PRR11: variants seen among roughly 807,000 people sequenced by gnomAD.
The protein encoded by PRR11 is proline-rich protein 11.
PRR11 carries 30 observed loss-of-function variants against 45.6 expected under a neutral mutation model. That is an observed-to-expected ratio of 0.66 (90% confidence interval 0.49 to 0.89). The LOEUF (loss-of-function observed/expected upper bound fraction) is 0.89, where lower values mean the gene tolerates loss of function less well. Among genes scored for constraint, PRR11 ranks in the 40% least tolerant of loss-of-function variants. PRR11 has a pLI of 0.00. For missense variants in PRR11, 373 were observed against 424.8 expected (o/e 0.88, Z 1.07); for synonymous variants, 128 against 153.5 (o/e 0.83, Z 1.23).
intron 2 of PRR11, among the ~76,000 whole-genome samples, 170 bp downstream of exon 2, chr17:59,170,050 C>T (rs2046699784): frequency 6.6e-6 from 1 of 152,054 alleles, no homozygotes; most frequent in Admixed American, 6.6e-5. Flanking sequence ...GTCAGGAGTT[C>T]AAGACCAGCC....
At chr17:59,160,056 A>G (rs2046643887) in intron 1 of PRR11, among the ~76,000 whole-genome samples, 1 of 152,166 alleles carries the variant, frequency 6.6e-6, no homozygotes, top group African/African-American at 2.4e-5. Context: ...TGTATTTTAA[A>G]AAATCTGATA....
intron 1 of PRR11, among the ~76,000 whole-genome samples, chr17:59,162,409 T>C (rs1458374933): frequency 6.6e-6 from 1 of 152,044 alleles, no homozygotes; most frequent in Admixed American, 6.6e-5. Flanking sequence ...TAGAAAGAAA[T>C]GGCCCTGTTT....
intron 2 of PRR11, among the ~76,000 whole-genome samples, chr17:59,172,382 C>G (rs2046713721): frequency 6.6e-6 from 1 of 152,256 alleles, no homozygotes; most frequent in Non-Finnish European, 1.5e-5. Flanking sequence ...GCAGCCCTCG[C>G]TCGCTTTCCG....
At chr17:59,169,623 A>T in intron 1 of PRR11, 125 bp from the exon 2 acceptor site, 1 of 891,744 alleles carries the variant, frequency 1.1e-6, no homozygotes, top group Non-Finnish European at 1.6e-6. Context: ...CCTATTTCTT[A>T]ACCAAGATGG....
intron 1 of PRR11, among the ~76,000 whole-genome samples, chr17:59,165,656 G>A (rs556939700): frequency 6.6e-5 from 10 of 152,168 alleles, no homozygotes; most frequent in Admixed American, 5.2e-4. Context: ...GCCGGGCGTG[G>A]TGGTGCATGC....
At chr17:59,173,092 CTG>C (rs1477076482) in intron 2 of PRR11, among the ~76,000 whole-genome samples, 2 of 152,246 alleles carry the variant, frequency 1.3e-5, no homozygotes, top group Non-Finnish European at 2.9e-5. Flanking sequence ...AATCAACACT[CTG>C]TGTCTAGCTC....
At chr17:59,172,559 C>T (rs746103545) in intron 2 of PRR11, among the ~76,000 whole-genome samples, 3 of 152,214 alleles carry the variant, frequency 2.0e-5, no homozygotes, top group Non-Finnish European at 4.4e-5. Flanking sequence ...CTGCGCGCTG[C>T]GCTTGCATGC....
chr17:59,165,836 A>G (rs538452430), intron 1 of PRR11, among the ~76,000 whole-genome samples: 5 of 150,948 alleles, frequency 3.3e-5, no homozygotes, highest in African/African-American at 1.2e-4. Flanking sequence ...TCCTTTAGAC[A>G]TCCCTTGTGT....
At chr17:59,184,232 GAA>G (rs2046802683) in intron 2 of PRR11, among the ~76,000 whole-genome samples, 1 of 152,152 alleles carries the variant, frequency 6.6e-6, no homozygotes, top group African/African-American at 2.4e-5. Context: ...GAGGCCAAAG[GAA>G]GTGGATCACT....
intron 1 of PRR11, among the ~76,000 whole-genome samples, chr17:59,165,635 A>G (rs1169067304): frequency 1.3e-5 from 2 of 150,158 alleles, no homozygotes; most frequent in South Asian, 2.1e-4. Context: ...TCTACTAAAA[A>G]TACAAAATTA....
intron 7 of PRR11, 104 bp from the exon 8 acceptor site, chr17:59,197,440 A>T: frequency 9.3e-7 from 1 of 1,077,090 alleles, no homozygotes. Context: ...TTTAATAGAG[A>T]CAAGGTTTCA....
Position 59,201,975 on chromosome 17 carries a change from A to C in PRR11, c.*344A>C. On this transcript the variant is annotated 3_prime_UTR_variant, in exon 10 of 10. Coordinates refer to ENST00000262293, the MANE Select transcript of PRR11 (RefSeq NM_018304.4). ...AACAAGAGCAAAACAAAAACAAACA[A>C]ACAAACAAAAAAAACCCACCCAAAT... The C allele has an allele frequency of 4.3e-6, 1 of 234,700 alleles. No individual in the cohort carries two copies. 14.5% of individuals were successfully genotyped at this position (234,700 alleles called of 1,614,324 possible).
At chr17:59,168,316 C>T (rs921614424) in intron 1 of PRR11, among the ~76,000 whole-genome samples, 1 of 151,308 alleles carries the variant, frequency 6.6e-6, no homozygotes, top group Non-Finnish European at 1.5e-5. Flanking sequence ...CCACAGGCAC[C>T]GTGCCACCAT....
chr17:59,195,160 C>A (rs1769381009), intron 6 of PRR11, among the ~76,000 whole-genome samples, 171 bp from the exon 7 acceptor site: 1 of 152,076 alleles, frequency 6.6e-6, no homozygotes, highest in African/African-American at 2.4e-5. Flanking sequence ...TCTCCCAACC[C>A]TTAGTCTGAA....
Position 59,197,689 on chromosome 17 carries a change from G to T in PRR11, c.918-4G>T. The T allele has an allele frequency of 6.2e-7, 1 of 1,613,658 alleles. No individual in the cohort carries two copies. The stretch of plus-strand genomic sequence containing the variant: ...AGCTACTGTTATTTTCAATACCTTT[G>T]CAGGAGCCCAGGTGGAACCCCTCTT... On this transcript the variant is annotated splice_region_variant and splice_polypyrimidine_tract_variant and intron_variant, in intron 8 of 9. Coordinates refer to ENST00000262293, the MANE Select transcript of PRR11 (RefSeq NM_018304.4).
At chr17:59,170,699 G>A (rs2046703467) in intron 2 of PRR11, among the ~76,000 whole-genome samples, 2 of 152,152 alleles carry the variant, frequency 1.3e-5, no homozygotes, top group South Asian at 4.1e-4. Context: ...GAATGTAGGT[G>A]TGAGCACTGT....
intron 4 of PRR11, among the ~76,000 whole-genome samples, chr17:59,191,501 G>C (rs1036883068): frequency 2.6e-5 from 4 of 152,016 alleles, no homozygotes; most frequent in Non-Finnish European, 5.9e-5. Flanking sequence ...TTATAGACGT[G>C]AGCCACCGCA....
At chr17:59,175,036 A>G in intron 2 of PRR11, 1 of 637,828 alleles carries the variant, frequency 1.6e-6, no homozygotes, top group Non-Finnish European at 2.8e-6. Flanking sequence ...TTATGGAACA[A>G]GGGTATCTGG....
intron 7 of PRR11, among the ~76,000 whole-genome samples, chr17:59,197,054 G>A (rs1362882516): frequency 1.3e-5 from 2 of 150,750 alleles, no homozygotes; most frequent in African/African-American, 2.4e-5. Context: ...TCACCATCTT[G>A]GCCAGGCTGG....
Sources: allele counts gnomAD v4.1 joint callset (sites outside exome capture counted in the v4.1 genomes callset), GRCh38; gene constraint gnomAD v4.1.1; transcripts MANE v1.5; gene names NCBI Gene and HGNC (gene_info 2026-07-23, HGNC 2026-07-21).